The following RBFOX1 variants were observed in gnomAD, a reference collection of about 807,000 sequenced individuals.
The protein encoded by RBFOX1 is RNA binding protein fox-1 homolog 1.
A neutral mutation model predicts 57.7 loss-of-function variants in RBFOX1; 8 were observed. The ratio of observed to expected loss-of-function variants is 0.14; its 90% confidence interval spans 0.08 to 0.25. The LOEUF (loss-of-function observed/expected upper bound fraction) is 0.25. Ranked by LOEUF, RBFOX1 falls within the 10% of genes least tolerant of loss-of-function variation. The pLI is 1.00. For missense variants in RBFOX1, 611 were observed against 548.5 expected (o/e 1.11, Z -1.14); for synonymous variants, 326 against 222.4 (o/e 1.47, Z -4.15).
At chr16:7,285,150 C>G (rs187685018) in intron 4 of RBFOX1, among the ~76,000 whole-genome samples, 73 of 133,118 alleles carry the variant, frequency 5.5e-4, no homozygotes, top group African/African-American at 2.0e-3. Context: ...CAATGGGCCT[C>G]AGAAAATTAA....
intron 14 of RBFOX1, among the ~76,000 whole-genome samples, chr16:7,701,985 A>AGGTGG (rs2080888096): frequency 6.6e-6 from 1 of 152,138 alleles, no homozygotes; most frequent in African/African-American, 2.4e-5. Context: ...TGTAGGGCAG[A>AGGTGG]GGTGGGGTGG....
At chr16:7,152,647 C>T (rs771372397) in intron 4 of RBFOX1, among the ~76,000 whole-genome samples, 2 of 152,062 alleles carry the variant, frequency 1.3e-5, no homozygotes, top group East Asian at 1.9e-4. Context: ...GTCTGGTATG[C>T]GCAGATGTCA....
intron 1 of RBFOX1, among the ~76,000 whole-genome samples, chr16:6,026,019 C>A (rs1165345113): frequency 1.3e-5 from 2 of 152,140 alleles, no homozygotes; most frequent in Non-Finnish European, 2.9e-5. Flanking sequence ...GTGATCGCCT[C>A]CCCCACCCAC....
chr16:6,450,808 T>C (rs796630301), intron 2 of RBFOX1, among the ~76,000 whole-genome samples: 764 of 14,764 alleles, frequency 0.052, 94 homozygotes, highest in East Asian at 0.33. Flanking sequence ...TATGTATATA[T>C]ATATATATAC....
intron 4 of RBFOX1, among the ~76,000 whole-genome samples, chr16:7,500,170 A>G (rs1339547728): frequency 6.6e-6 from 1 of 152,210 alleles, no homozygotes; most frequent in Non-Finnish European, 1.5e-5. Flanking sequence ...GAAGAAGCAC[A>G]GACTCTCCAG....
chr16:7,479,997 G>T (rs2063552116), intron 4 of RBFOX1, among the ~76,000 whole-genome samples: 1 of 152,180 alleles, frequency 6.6e-6, no homozygotes, highest in Non-Finnish European at 1.5e-5. Context: ...ACGTATAGGT[G>T]CCAGTTCCAG....
intron 2 of RBFOX1, among the ~76,000 whole-genome samples, chr16:5,502,565 A>T (rs1346914300): frequency 1.3e-5 from 2 of 152,178 alleles, no homozygotes; most frequent in Non-Finnish European, 2.9e-5. Context: ...CAGAAGCCTG[A>T]CAAAGTCCAT....
At chr16:6,724,364 C>G (rs1603462254) in intron 3 of RBFOX1, among the ~76,000 whole-genome samples, 2 of 152,174 alleles carry the variant, frequency 1.3e-5, no homozygotes, top group South Asian at 4.2e-4. Context: ...TGCACTCCAG[C>G]ATGCCCAGCA....
At chr16:5,419,425 TTTTTCTGGCAATGCTG>T (rs2067249777) in intron 1 of RBFOX1, among the ~76,000 whole-genome samples, 1 of 151,988 alleles carries the variant, frequency 6.6e-6, no homozygotes, top group Admixed American at 6.5e-5. Context: ...CTGCCAGATT[TTTTTCTGGCAATGCTG>T]GCAGCTGATT....
chr16:6,679,638 T>A (rs2058312029), intron 3 of RBFOX1, among the ~76,000 whole-genome samples: 1 of 152,190 alleles, frequency 6.6e-6, no homozygotes, highest in Non-Finnish European at 1.5e-5. Flanking sequence ...TTTGAGCATC[T>A]CCTTTGCTCA....
chr16:5,324,720 A>G (rs1225008836), intron 1 of RBFOX1, among the ~76,000 whole-genome samples: 1 of 152,110 alleles, frequency 6.6e-6, no homozygotes, highest in African/African-American at 2.4e-5. Context: ...AAAACCAAAT[A>G]CCACTTGTTC....
chr16:6,864,935 G>A (rs1304516210), intron 3 of RBFOX1, among the ~76,000 whole-genome samples: 1 of 149,946 alleles, frequency 6.7e-6, no homozygotes, highest in African/African-American at 2.5e-5. Context: ...AAACACAAAG[G>A]TCAAAAATAA....
intron 4 of RBFOX1, among the ~76,000 whole-genome samples, chr16:7,492,192 G>C (rs529764035): frequency 6.6e-6 from 1 of 152,166 alleles, no homozygotes; most frequent in South Asian, 2.1e-4. Context: ...ACCTAAGCAG[G>C]CATAAAATTC....
chr16:5,319,645 T>G (rs1347074248), intron 1 of RBFOX1, among the ~76,000 whole-genome samples: 1 of 152,206 alleles, frequency 6.6e-6, no homozygotes, highest in Non-Finnish European at 1.5e-5. Flanking sequence ...CGTTTCAGTG[T>G]CATATATTAA....
chr16:6,670,874 C>T (rs1020046509), intron 3 of RBFOX1, among the ~76,000 whole-genome samples: 1 of 151,876 alleles, frequency 6.6e-6, no homozygotes, highest in African/African-American at 2.4e-5. Flanking sequence ...GTGGCGGGAG[C>T]CTGTAGTCCC....
chr16:6,970,960 A>T (rs56023021), intron 3 of RBFOX1, among the ~76,000 whole-genome samples: 19,194 of 152,140 alleles, frequency 0.13, 1,296 homozygotes, highest in South Asian at 0.23. Flanking sequence ...GTGCATACCT[A>T]CCCATTTCCT....
intron 1 of RBFOX1, among the ~76,000 whole-genome samples, chr16:5,250,390 A>C (rs982295426): frequency 5.3e-5 from 8 of 152,028 alleles, no homozygotes; most frequent in African/African-American, 1.9e-4. Flanking sequence ...CCCCGCATGC[A>C]TTAGGTATTT....
intron 3 of RBFOX1, chr16:6,704,909 C>G (rs1199311834): frequency 1.3e-5 from 2 of 152,062 alleles, no homozygotes; most frequent in Non-Finnish European, 2.9e-5. Context: ...TTCTGGATTT[C>G]AATTTTTAAA....
In RBFOX1 at chr16:6,932,629, C is replaced by G. The variant is rs142725278; in HGVS notation, c.-15-119428C>G. ...GCCTGTCCACAGGCTGCCCAAACAT[C>G]TAGCCCCAGGCATCTTTCATGGAGA... On this transcript the variant is annotated intron_variant, in intron 3 of 15. Coordinates refer to ENST00000550418, the MANE Select transcript of RBFOX1 (RefSeq NM_018723.4). 9.5e-4 allele frequency among the ~76,000 whole-genome samples: 144 copies of G among 152,334 alleles called. 1 individual carries two copies. Among genetic ancestry groups the G allele is most frequent in the African/African-American group, 3.2e-3 (132 of 41,576 alleles).
Sources: gnomAD v4.1 joint callset for allele counts (sites outside exome capture counted in the v4.1 genomes callset) on GRCh38, gnomAD v4.1.1 for gene constraint, MANE v1.5 for transcripts, NCBI Gene and HGNC (gene_info 2026-07-23, HGNC 2026-07-21) for gene names.